Variants in SCN11A observed in about 807,000 individuals in gnomAD.
SCN11A encodes the protein sodium channel protein type 11 subunit alpha.
Under a neutral mutation model 162.2 loss-of-function variants are expected in SCN11A, and 122 were observed. The ratio of observed to expected loss-of-function variants is 0.75; its 90% CI spans 0.65 to 0.87. The LOEUF is 0.87. Among genes scored for constraint, SCN11A ranks in the 40% least tolerant of loss-of-function variants. The pLI is 0.00. For synonymous variants in SCN11A, 758 were observed against 751.5 expected, an observed-to-expected ratio of 1.01 and a Z score of -0.14; for missense variants, 2,015 against 2,181.6, an observed-to-expected ratio of 0.92 and a Z score of 1.52.
intron 25 of SCN11A, 73 bp from the exon 26 acceptor site, chr3:38,870,817 G>C: frequency 7.5e-7 from 1 of 1,325,636 alleles, no homozygotes; most frequent in South Asian, 1.2e-5. Context: ...GCATGGAAAA[G>C]CAGGTGAGGC....
chr3:38,878,469 G>A lies in SCN11A; in HGVS notation c.3393+1481C>T, dbSNP rs369576434. On this transcript the variant is annotated intron_variant, in intron 23 of 29. Transcript: ENST00000302328. The stretch of plus-strand genomic sequence containing the variant: ...GCTCCTAAATGTAGGGCTTGTATCC[G>A]GTAAAACAGAGTTCCCTATAATGGA... Among the ~76,000 whole-genome samples the A allele has an allele frequency of 5.3e-5, 8 of 152,068 alleles. No homozygotes were observed. In the East Asian group the frequency reaches 5.8e-4, roughly 11 times the overall value.
chr3:38,946,756 C>A (rs933871267), intron 6 of SCN11A, 33 bp downstream of exon 6: 2 of 1,408,242 alleles, frequency 1.4e-6, no homozygotes, highest in Non-Finnish European at 2.0e-6. Flanking sequence ...TTCAAATGAT[C>A]TGGACTTAGT....
At chr3:38,874,469 G>C (rs1015067467) in intron 23 of SCN11A, among the ~76,000 whole-genome samples, 1 of 152,010 alleles carries the variant, frequency 6.6e-6, no homozygotes, top group Middle Eastern at 3.2e-3. Flanking sequence ...ATGGTGGTGG[G>C]CGCCTGTAGT....
At chr3:38,985,293 A>G (rs1041178481) in intron 2 of SCN11A, among the ~76,000 whole-genome samples, 2 of 149,718 alleles carry the variant, frequency 1.3e-5, no homozygotes, top group Non-Finnish European at 2.9e-5. Flanking sequence ...ACGCCCGGCT[A>G]ATTTTTTTTT....
chr3:38,869,997 T>C (rs1019451945), intron 26 of SCN11A, among the ~76,000 whole-genome samples: 1 of 152,108 alleles, frequency 6.6e-6, no homozygotes, highest in Admixed American at 6.6e-5. Flanking sequence ...CCCAAATAGG[T>C]CGAAACACAC....
At chr3:39,006,971 G>A (rs1372431469) in intron 2 of SCN11A, among the ~76,000 whole-genome samples, 1 of 152,106 alleles carries the variant, frequency 6.6e-6, no homozygotes, top group African/African-American at 2.4e-5. Flanking sequence ...AAAAGTGGTG[G>A]TGGAGAGAGG....
intron 26 of SCN11A, among the ~76,000 whole-genome samples, chr3:38,868,787 T>TTAC (rs2065080437): frequency 6.6e-6 from 1 of 152,188 alleles, no homozygotes; most frequent in Admixed American, 6.5e-5. Flanking sequence ...CTGGAAGGAA[T>TTAC]TACTACTGGG....
chr3:38,879,758 G>A (rs981063858), intron 23 of SCN11A, among the ~76,000 whole-genome samples, 192 bp downstream of exon 23: 1 of 152,152 alleles, frequency 6.6e-6, no homozygotes, highest in East Asian at 1.9e-4. Context: ...TATGATGAGC[G>A]GGACCTAGGA....
chr3:38,920,331 C>T (rs2066027619), intron 10 of SCN11A, among the ~76,000 whole-genome samples: 1 of 152,134 alleles, frequency 6.6e-6, no homozygotes, highest in Admixed American at 6.5e-5. Context: ...AGAGTGTAGT[C>T]ACATGAGATT....
chr3:38,910,314 G>T, intron 11 of SCN11A, 107 bp from the exon 12 acceptor site: 4 of 1,116,380 alleles, frequency 3.6e-6, no homozygotes, highest in South Asian at 3.2e-5. Flanking sequence ...CACACCAGGA[G>T]CCCTAGAGGA....
At chr3:38,908,849 C>T (rs1049602943) in intron 13 of SCN11A, 148 bp downstream of exon 13, 4 of 691,806 alleles carry the variant, frequency 5.8e-6, no homozygotes, top group African/African-American at 1.8e-5. Context: ...AGCCATTCTT[C>T]GAGGGACTTA....
intron 7 of SCN11A, among the ~76,000 whole-genome samples, chr3:38,934,925 A>AT (rs1326281902): frequency 2.0e-5 from 3 of 151,094 alleles, no homozygotes; most frequent in South Asian, 2.1e-4. Context: ...CAGAATATAC[A>AT]TTTTTTTCAG....
intron 20 of SCN11A, 52 bp from the exon 21 acceptor site, chr3:38,885,454 A>G (rs776882189): frequency 1.0e-6 from 1 of 961,580 alleles, no homozygotes; most frequent in South Asian, 1.3e-5. Flanking sequence ...ACCTTCTTTC[A>G]CCATAGTAGT....
In SCN11A at chr3:39,051,850, G is replaced by T; in HGVS notation, c.-404+11C>A. On this transcript the variant is annotated intron_variant, in intron 1 of 29. Transcript: ENST00000302328. ...TACTTGCACAGTGGTTTTGTTTTTA[G>T]GTGCATCTACCTCATCACATGGCTA... The T allele has an allele frequency of 1.5e-6, 1 of 685,648 alleles. No individual in the cohort carries two copies. Among genetic ancestry groups the T allele is most frequent in the Non-Finnish European group, 2.5e-6 (1 of 399,358 alleles). 42.5% of individuals were successfully genotyped at this position (685,648 alleles called of 1,614,324 possible). A position where few individuals can be genotyped will look rare whatever the true frequency, so the allele number is the denominator to read the frequency against.
intron 22 of SCN11A, among the ~76,000 whole-genome samples, chr3:38,881,130 T>C (rs1166586704): frequency 6.6e-6 from 1 of 152,210 alleles, no homozygotes; most frequent in African/African-American, 2.4e-5. Flanking sequence ...CCTCTGCTCT[T>C]TCAGCTCTTC....
intron 1 of SCN11A, among the ~76,000 whole-genome samples, chr3:39,043,976 CCTA>C (rs1192623201): frequency 2.0e-5 from 3 of 152,024 alleles, no homozygotes; most frequent in Non-Finnish European, 4.4e-5. Flanking sequence ...AATGAATACA[CCTA>C]CTATGTACCC....
At chr3:38,867,828 G>T (rs955636571) in intron 26 of SCN11A, among the ~76,000 whole-genome samples, 1 of 152,196 alleles carries the variant, frequency 6.6e-6, no homozygotes, top group Non-Finnish European at 1.5e-5. Context: ...GAGGCCACCA[G>T]AGGAGGGGCA....
intron 2 of SCN11A, among the ~76,000 whole-genome samples, chr3:38,994,978 C>T (rs1000821891): frequency 3.9e-4 from 60 of 152,226 alleles, no homozygotes; most frequent in African/African-American, 1.4e-3. Context: ...CCTACCTCCT[C>T]GCATCTACAT....
At chr3:38,925,381 A>T in intron 9 of SCN11A, 34 bp downstream of exon 9, 1 of 1,356,758 alleles carries the variant, frequency 7.4e-7, no homozygotes, top group Non-Finnish European at 1.1e-6. Flanking sequence ...TTCTTTCTAG[A>T]TAGGAGCCAG....
Sources: allele counts gnomAD v4.1 joint callset (sites outside exome capture counted in the v4.1 genomes callset), GRCh38; gene constraint gnomAD v4.1.1; transcripts MANE v1.5; gene names NCBI Gene and HGNC (gene_info 2026-07-23, HGNC 2026-07-21).